Variants in SPMIP4 observed in about 807,000 individuals in gnomAD.
The protein encoded by SPMIP4 is sperm microtubule inner protein 4.
the SPMIP4 span, among the ~76,000 whole-genome samples, chr7:25,136,966 A>C: frequency 6.6e-6 from 1 of 152,032 alleles, no homozygotes; most frequent in East Asian, 1.9e-4. This position sits in a 1 kb window ranked among gnomAD's most constrained non-coding sequence, Gnocchi z 5.7. Context: ...GTCCAAATAC[A>C]TTTTCCTCCT....
At chr7:25,142,457 A>G in the SPMIP4 span, 1 of 855,888 alleles carries the variant, frequency 1.2e-6, no homozygotes, top group Non-Finnish European at 1.7e-6. Context: ...ATGAAAACCA[A>G]CCCTACCTCC....
At chr7:25,142,279 C>T in the SPMIP4 span, 17 of 1,613,424 alleles carry the variant, frequency 1.1e-5, no homozygotes, top group Admixed American at 1.7e-5. Context: ...GTTAACTCTG[C>T]TACCATCTTT....
At chr7:25,143,790 G>T in the SPMIP4 span, among the ~76,000 whole-genome samples, 2 of 151,952 alleles carry the variant, frequency 1.3e-5, no homozygotes, top group South Asian at 2.1e-4. Flanking sequence ...TAGAGACAGG[G>T]TCTCATCATG....
chr7:25,174,331 T>A, the SPMIP4 span, among the ~76,000 whole-genome samples: 89 of 125,882 alleles, frequency 7.1e-4, no homozygotes, highest in South Asian at 3.7e-3. This position sits in a 1 kb window ranked among gnomAD's most constrained non-coding sequence, Gnocchi z 4.5. Flanking sequence ...ATAAAATACA[T>A]CTCTATAACA....
the SPMIP4 span, among the ~76,000 whole-genome samples, chr7:25,154,843 T>C: frequency 6.6e-6 from 1 of 152,230 alleles, no homozygotes; most frequent in Non-Finnish European, 1.5e-5. Flanking sequence ...GATGGGTCCA[T>C]GGTGGCGCGC....
chr7:25,168,409 C>CT, the SPMIP4 span: 1 of 1,610,878 alleles, frequency 6.2e-7, no homozygotes, highest in African/African-American at 1.3e-5. Flanking sequence ...ACCATACTCT[C>CT]TTTCAGCGCC....
the SPMIP4 span, among the ~76,000 whole-genome samples, chr7:25,164,952 T>C: frequency 6.6e-6 from 1 of 152,258 alleles, no homozygotes; most frequent in Non-Finnish European, 1.5e-5. Flanking sequence ...GTGAATGCCA[T>C]TATTTCATTT....
At chr7:25,135,728 G>T in the SPMIP4 span, 5 of 1,074,658 alleles carry the variant, frequency 4.7e-6, no homozygotes, top group Non-Finnish European at 5.8e-6. Flanking sequence ...AGAGATTAAA[G>T]ACTATAAATT....
the SPMIP4 span, chr7:25,179,525 C>G: frequency 2.4e-6 from 1 of 411,266 alleles, no homozygotes; most frequent in Non-Finnish European, 4.2e-6. Flanking sequence ...TGAAACAAAT[C>G]CACAAAGTGG....
chr7:25,154,443 T>C, the SPMIP4 span, among the ~76,000 whole-genome samples: 2 of 152,158 alleles, frequency 1.3e-5, no homozygotes, highest in African/African-American at 2.4e-5. Context: ...GTGGGAGAGA[T>C]TCGATGACTA....
the SPMIP4 span, among the ~76,000 whole-genome samples, chr7:25,153,696 C>T: frequency 1.2e-4 from 18 of 152,236 alleles, no homozygotes; most frequent in South Asian, 1.7e-3. Context: ...TGACAATTTA[C>T]GTAACAAAGT....
At chr7:25,175,490 T>C in the SPMIP4 span, among the ~76,000 whole-genome samples, 8 of 152,276 alleles carry the variant, frequency 5.3e-5, 1 homozygote, top group East Asian at 1.5e-3. Context: ...GGAAATCGTT[T>C]TGCGTCACTG....
At chr7:25,141,732 GAAGAA>G in the SPMIP4 span, among the ~76,000 whole-genome samples, 69 of 151,570 alleles carry the variant, frequency 4.6e-4, no homozygotes, top group African/African-American at 1.6e-3. Flanking sequence ...CCACTCTGAA[GAAGAA>G]AAGAAATCTC....
chr7:25,168,843 A>G, the SPMIP4 span, among the ~76,000 whole-genome samples: 1 of 142,464 alleles, frequency 7.0e-6, no homozygotes, highest in Middle Eastern at 3.3e-3. Context: ...CTCCCACCTC[A>G]GCCTCCCGAG....
chr7:25,167,050 C>T, the SPMIP4 span, among the ~76,000 whole-genome samples: 1 of 152,210 alleles, frequency 6.6e-6, no homozygotes, highest in Non-Finnish European at 1.5e-5. Flanking sequence ...TCTTTTTACA[C>T]ACTGGAATTC....
chr7:25,146,569 G>A, the SPMIP4 span, among the ~76,000 whole-genome samples: 1 of 152,214 alleles, frequency 6.6e-6, no homozygotes, highest in Non-Finnish European at 1.5e-5. Flanking sequence ...TCCCTGGAAT[G>A]AGGAAAGTAT....
the SPMIP4 span, chr7:25,168,593 C>T: frequency 1.3e-6 from 1 of 757,748 alleles, no homozygotes; most frequent in East Asian, 2.9e-5. Flanking sequence ...ACACAGAATT[C>T]TCAGTGTCAG....
chr7:25,167,154 C>G, the SPMIP4 span, among the ~76,000 whole-genome samples: 2 of 152,200 alleles, frequency 1.3e-5, no homozygotes, highest in Non-Finnish European at 2.9e-5. Flanking sequence ...ACAGAGCTAT[C>G]TCCCCAGTCT....
chr7:25,151,671 T>C, the SPMIP4 span: 1 of 1,606,104 alleles, frequency 6.2e-7, no homozygotes, highest in South Asian at 1.1e-5. Context: ...TCAGTTCATA[T>C]CTATAAGGAT....
Sources: gnomAD v4.1 joint callset for allele counts (sites outside exome capture counted in the v4.1 genomes callset) on GRCh38, gnomAD v4.1.1 for gene constraint, Gnocchi (gnomAD v3.1) non-coding constraint, MANE v1.5 for transcripts, NCBI Gene and HGNC (gene_info 2026-07-23, HGNC 2026-07-21) for gene names.